Variants in HELLS observed in about 807,000 individuals in gnomAD.
HELLS encodes the protein helicase, lymphoid specific.
In HELLS, 32 loss-of-function variants were observed where a neutral mutation model predicts 120.0. That is an observed-to-expected ratio of 0.27 (90% CI 0.20 to 0.36). HELLS has a LOEUF of 0.36. Among genes scored for constraint, HELLS ranks in the 10% least tolerant of loss-of-function variants. The probability of loss-of-function intolerance (pLI) is 1.00; values close to 1 mark genes in which losing one functional copy is unlikely to be tolerated. For missense variants in HELLS, 650 were observed against 993.4 expected, an observed-to-expected ratio of 0.65 and a Z score of 4.65; for synonymous variants, 341 against 323.4, an observed-to-expected ratio of 1.05 and a Z score of -0.58.
rs2134258723 is a variant in HELLS, at chr10:94,545,942, G to T, written c.21G>T (p.Ala7=). ...CAGGCATGCCAGCGGAACGGCCCGC[G>T]GGCAGCGGCGGTGAGTGAGGAAAAC... MPAERP[A]GSGGSEAPAM... is the part of the protein sequence containing the mutation. Residue 7 remains alanine (A), a synonymous_variant, in exon 1 of 22, where the codon GCG becomes GCT. Transcript: ENST00000348459. 6.4e-7 allele frequency: 1 copy of T among 1,556,046 alleles called. No individual in the cohort carries two copies. Among genetic ancestry groups the T allele is most frequent in the East Asian group, 2.4e-5 (1 of 41,490 alleles).
At chr10:94,563,628 A>G (rs987331361) in intron 6 of HELLS, among the ~76,000 whole-genome samples, 2 of 151,990 alleles carry the variant, frequency 1.3e-5, no homozygotes, top group African/African-American at 4.8e-5. Flanking sequence ...CTGGGACTAC[A>G]GGTGTGTGAC....
At chr10:94,600,690 C>G (rs1223054574) in intron 21 of HELLS, among the ~76,000 whole-genome samples, 2 of 152,044 alleles carry the variant, frequency 1.3e-5, no homozygotes, top group Non-Finnish European at 2.9e-5. Context: ...ATTAACAATC[C>G]ACGTGTTCAA....
chr10:94,564,848 A>G (rs562376678), intron 6 of HELLS, among the ~76,000 whole-genome samples: 5 of 151,970 alleles, frequency 3.3e-5, no homozygotes, highest in East Asian at 1.9e-4. Context: ...TCACGCCTTT[A>G]TCTCCCAAAG....
Position 94,545,808 on chromosome 10 carries a change from T to A in HELLS, c.-114T>A. 4 of 1,256,330 alleles carry A rather than the reference T, an allele frequency of 3.2e-6. No individual in the cohort carries two copies. Among genetic ancestry groups the A allele is most frequent in the Non-Finnish European group, 4.6e-6 (4 of 877,556 alleles). The allele number at this position is 1,256,330 out of a possible 1,614,324, so 77.8% of individuals were successfully genotyped here. ...CCCGCGAAGGAGAAGCGCGCTTTTTTCCCTGGCGGGGGATTTGGCTAGAAG... is the reference window on the plus strand; with the variant it reads ...CCCGCGAAGGAGAAGCGCGCTTTTTACCCTGGCGGGGGATTTGGCTAGAAG... On this transcript the variant is annotated 5_prime_UTR_variant, in exon 1 of 22. Coordinates refer to ENST00000348459, the MANE Select transcript of HELLS (RefSeq NM_018063.5).
At chr10:94,596,747 C>G in intron 19 of HELLS, 113 bp from the exon 20 acceptor site, 2 of 582,882 alleles carry the variant, frequency 3.4e-6, no homozygotes, top group East Asian at 2.8e-5. Context: ...TATTTTTTAT[C>G]AACACTTTTT....
At chr10:94,560,696 CTAAA>C (rs201682761) in intron 4 of HELLS, among the ~76,000 whole-genome samples, 2 of 151,158 alleles carry the variant, frequency 1.3e-5, no homozygotes, top group African/African-American at 2.4e-5. Flanking sequence ...GACTCTGTTC[CTAAA>C]TAAATAAATA....
intron 19 of HELLS, 90 bp downstream of exon 19, chr10:94,594,944 C>T: frequency 6.0e-6 from 6 of 1,000,256 alleles, no homozygotes; most frequent in African/African-American, 3.3e-5. Flanking sequence ...AATATTACAG[C>T]CTGGGCCGAG....
At chr10:94,605,838 C>T (rs1201512739), downstream of HELLS, among the ~76,000 whole-genome samples, 1 of 151,838 alleles carries the variant, frequency 6.6e-6, no homozygotes, top group Non-Finnish European at 1.5e-5. Context: ...ACCATGTTGC[C>T]CAGGCTGGTC....
At chr10:94,609,333 A>G (rs1051201603) in intron 9 of HELLS, among the ~76,000 whole-genome samples, 1 of 152,008 alleles carries the variant, frequency 6.6e-6, no homozygotes, top group Non-Finnish European at 1.5e-5. Flanking sequence ...TATATCCACC[A>G]CTTTACCATC....
chr10:94,548,858 G>A (rs545626007), intron 2 of HELLS, among the ~76,000 whole-genome samples: 1 of 152,222 alleles, frequency 6.6e-6, no homozygotes, highest in Admixed American at 6.5e-5. Context: ...GCCAGATGTG[G>A]TGGCGCATAC....
intron 2 of HELLS, among the ~76,000 whole-genome samples, chr10:94,553,675 A>G (rs1239756473): frequency 6.6e-6 from 1 of 150,898 alleles, no homozygotes; most frequent in East Asian, 1.9e-4. Context: ...CAGCCTCCCA[A>G]GTAGCTGGGA....
chr10:94,582,013 A>G (rs935405137), intron 11 of HELLS, among the ~76,000 whole-genome samples: 3 of 152,312 alleles, frequency 2.0e-5, no homozygotes, highest in South Asian at 2.1e-4. Flanking sequence ...AGCTTATATA[A>G]TAAAATCAGA....
intron 9 of HELLS, among the ~76,000 whole-genome samples, chr10:94,608,972 A>G (rs1168337452): frequency 3.4e-5 from 5 of 148,456 alleles, no homozygotes; most frequent in East Asian, 2.0e-4. Flanking sequence ...ACATCTTGCA[A>G]GCGCTAGCTT....
At chr10:94,579,658 C>CT (rs1433238494) in intron 10 of HELLS, among the ~76,000 whole-genome samples, 4 of 151,870 alleles carry the variant, frequency 2.6e-5, no homozygotes, top group South Asian at 2.1e-4. Context: ...TCTCCTACCT[C>CT]TGTCTCCTGA....
intron 6 of HELLS, 27 bp from the exon 7 acceptor site, chr10:94,571,360 AT>A: frequency 2.1e-6 from 3 of 1,426,068 alleles, no homozygotes; most frequent in Non-Finnish European, 2.9e-6. Context: ...TACATTATTA[AT>A]TTGTTTTTGT....
At chr10:94,560,492 C>A (rs756022990) in intron 4 of HELLS, among the ~76,000 whole-genome samples, 1 of 150,676 alleles carries the variant, frequency 6.6e-6, no homozygotes, top group South Asian at 2.1e-4. Flanking sequence ...GCAAGGAGTT[C>A]GAGACCAGCC....
At chr10:94,565,030 T>C (rs1344417308) in intron 6 of HELLS, among the ~76,000 whole-genome samples, 1 of 152,196 alleles carries the variant, frequency 6.6e-6, no homozygotes, top group Non-Finnish European at 1.5e-5. Flanking sequence ...AATGATAGTT[T>C]TTCACTGAAA....
intron 10 of HELLS, among the ~76,000 whole-genome samples, chr10:94,579,860 C>A (rs1053426621): frequency 6.6e-6 from 1 of 151,884 alleles, no homozygotes; most frequent in Non-Finnish European, 1.5e-5. Context: ...ACATGAAGAC[C>A]CTTCCTGTAA....
Position 94,545,817 on chromosome 10 carries a change from G to T in HELLS, c.-105G>T. On this transcript the variant is annotated 5_prime_UTR_variant, in exon 1 of 22. Coordinates refer to ENST00000348459, the MANE Select transcript of HELLS (RefSeq NM_018063.5). ...GAGAAGCGCGCTTTTTTCCCTGGCG[G>T]GGGATTTGGCTAGAAGGCTGGGCCG... 7.6e-7 allele frequency: 1 copy of T among 1,312,750 alleles called. No individual in the cohort carries two copies. The highest frequency in any genetic ancestry group is 1.1e-6 in the Non-Finnish European group (1 of 929,060). 81.3% of individuals were successfully genotyped at this position (1,312,750 alleles called of 1,614,324 possible).
Sources: allele counts gnomAD v4.1 joint callset (sites outside exome capture counted in the v4.1 genomes callset), GRCh38; gene constraint gnomAD v4.1.1; transcripts MANE v1.5; gene names NCBI Gene and HGNC (gene_info 2026-07-23, HGNC 2026-07-21).